Variants in A4GALT observed in about 807,000 individuals in gnomAD.
The protein encoded by A4GALT is alpha 1,4-galactosyltransferase (P1PK blood group).
For missense variants in A4GALT, 512 were observed against 486.0 expected (o/e 1.05, Z -0.50); for synonymous variants, 257 against 220.7 (o/e 1.16, Z -1.46).
At chr22:42,711,234 A>G (rs1038640025) in intron 1 of A4GALT, among the ~76,000 whole-genome samples, 2 of 152,220 alleles carry the variant, frequency 1.3e-5, no homozygotes, top group Admixed American at 1.3e-4. Context: ...AGTAATAGAA[A>G]TGCAAATGGA....
At chr22:42,704,561 A>G (rs893154505) in intron 1 of A4GALT, among the ~76,000 whole-genome samples, 2 of 151,884 alleles carry the variant, frequency 1.3e-5, no homozygotes, top group Non-Finnish European at 2.9e-5. Context: ...GAAGGGCAGA[A>G]GGGCTCTTTT....
rs746782088 is a variant in A4GALT, at chr22:42,692,830, C to A, written c.*60G>T. ...TCCCGGGCCCTCAATCTTGCCTCCC[C>A]GGGAAGGGCGGCCCAGTGCCCCATC... On this transcript the variant is annotated 3_prime_UTR_variant, in exon 3 of 3. Coordinates refer to ENST00000642412, the MANE Select transcript of A4GALT (RefSeq NM_017436.7). This position sits in a 1 kb window ranked among gnomAD's most constrained non-coding sequence, Gnocchi z 4.6. The A allele has an allele frequency of 6.3e-7, 1 of 1,588,648 alleles. No individual in the cohort carries two copies. Among genetic ancestry groups the A allele is most frequent in the Middle Eastern group, 1.7e-4 (1 of 6,030 alleles).
chr22:42,696,847 C>T (rs972965439), intron 1 of A4GALT, among the ~76,000 whole-genome samples: 24 of 151,460 alleles, frequency 1.6e-4, no homozygotes, highest in South Asian at 2.1e-4. Context: ...AGGCCTCAAA[C>T]GGCTGCTAGG....
chr22:42,693,541 C>T lies in A4GALT; in HGVS notation c.411G>A (p.Pro137=), dbSNP rs748193828. 2.5e-6 allele frequency: 4 copies of T among 1,613,268 alleles called. No homozygotes were observed. Among genetic ancestry groups the T allele is most frequent in the East Asian group, 2.2e-5 (1 of 44,868 alleles). The change falls in exon 3 of 3, where the codon CCG becomes CCA. Residue 137 remains proline, a synonymous_variant. Coordinates refer to ENST00000642412, the MANE Select transcript of A4GALT (RefSeq NM_017436.7). ...HLGISLLSCF[P]NVQMLPLDLR... ...GGTCCAGCGGGAGCATCTGGACATT[C>T]GGGAAGCAGCTCAGAAGTGAGATGC...
chr22:42,713,727 G>C (rs1921892319), intron 1 of A4GALT, among the ~76,000 whole-genome samples: 1 of 150,416 alleles, frequency 6.6e-6, no homozygotes, highest in African/African-American at 2.5e-5. Context: ...CAGGAGAATT[G>C]CTTGGACCCA....
Position 42,693,381 on chromosome 22 carries a change from G to A in A4GALT, c.571C>T (p.Leu191=). 1 of 1,613,336 alleles carries A rather than the reference G, an allele frequency of 6.2e-7. No homozygotes were observed. The highest frequency in any genetic ancestry group is 8.5e-7 in the Non-Finnish European group (1 of 1,179,996). Residue 191 remains leucine (L), a synonymous_variant, in exon 3 of 3, where the codon CTG becomes TTG. Transcript: ENST00000642412. The part of the protein sequence containing the change: ...ALMWKFGGIY[L]DTDFIVLKNL... Reference sequence around the variant, plus strand: ...TTGAGAACAATGAAGTCCGTGTCCAGGTAGATGCCGCCGAACTTCCACATG... The same window carrying A: ...TTGAGAACAATGAAGTCCGTGTCCAAGTAGATGCCGCCGAACTTCCACATG...
intron 1 of A4GALT, among the ~76,000 whole-genome samples, chr22:42,699,028 A>G (rs1931125603): frequency 6.6e-6 from 1 of 152,140 alleles, no homozygotes; most frequent in South Asian, 2.1e-4. Flanking sequence ...AAATAACCAT[A>G]AAAATGGGTA....
At chr22:42,702,920 C>A (rs1920932780) in intron 1 of A4GALT, among the ~76,000 whole-genome samples, 1 of 118,850 alleles carries the variant, frequency 8.4e-6, no homozygotes, top group Admixed American at 7.2e-5. Flanking sequence ...CAATCCCGGT[C>A]CCTGCTCCCC....
At chr22:42,695,821 GAC>G (rs1404637183) in intron 1 of A4GALT, among the ~76,000 whole-genome samples, 190 bp from the exon 2 acceptor site, 3 of 152,264 alleles carry the variant, frequency 2.0e-5, no homozygotes, top group East Asian at 3.9e-4. Flanking sequence ...GGGAGAATCA[GAC>G]ACAGCCTTTC....
At position 42,692,350 on chromosome 22, in the gene A4GALT, T is replaced by C; in HGVS notation, c.*540A>G. On this transcript the variant is annotated 3_prime_UTR_variant, in exon 3 of 3. Coordinates refer to ENST00000642412, the MANE Select transcript of A4GALT (RefSeq NM_017436.7). This position sits in a 1 kb window ranked among gnomAD's most constrained non-coding sequence, Gnocchi z 4.6. ...AAACGGCTCCCCAGGCTGGCACTTC[T>C]GGGCCTCTGCCCCACTCAGTCCCTG... 3.6e-6 allele frequency: 1 copy of C among 279,742 alleles called. No homozygotes were observed. 17.3% of individuals were successfully genotyped at this position (279,742 alleles called of 1,614,324 possible).
At chr22:42,699,447 C>A (rs571426628) in intron 1 of A4GALT, among the ~76,000 whole-genome samples, 134 of 152,300 alleles carry the variant, frequency 8.8e-4, no homozygotes, top group African/African-American at 3.1e-3. Context: ...AATTTTCTTG[C>A]CCCCTGGTGT....
chr22:42,697,890 C>T (rs998596999), intron 1 of A4GALT, among the ~76,000 whole-genome samples: 8 of 152,308 alleles, frequency 5.3e-5, no homozygotes, highest in Middle Eastern at 3.4e-3. Flanking sequence ...GCTCTAAGCC[C>T]TTCCATGGCT....
chr22:42,702,971 C>G (rs1602002628), intron 1 of A4GALT, among the ~76,000 whole-genome samples: 1 of 151,400 alleles, frequency 6.6e-6, no homozygotes, highest in African/African-American at 2.5e-5. Context: ...CAGTGGCACT[C>G]AGGCCGGGGT....
At chr22:42,716,576 C>CG (rs1305942934) in intron 1 of A4GALT, among the ~76,000 whole-genome samples, 2 of 152,138 alleles carry the variant, frequency 1.3e-5, no homozygotes, top group African/African-American at 4.8e-5. Flanking sequence ...AGCGGCAGAG[C>CG]GGGGTTCAAA....
chr22:42,707,182 A>T (rs1033819487), intron 1 of A4GALT, among the ~76,000 whole-genome samples: 1 of 152,208 alleles, frequency 6.6e-6, no homozygotes, highest in African/African-American at 2.4e-5. Flanking sequence ...TTTCTTTTCA[A>T]GAGCTGAGCT....
chr22:42,704,228 A>G (rs1488959851), intron 1 of A4GALT, among the ~76,000 whole-genome samples: 1 of 152,172 alleles, frequency 6.6e-6, no homozygotes, highest in African/African-American at 2.4e-5. Context: ...CATGCTTGTA[A>G]TCCCAGCACT....
chr22:42,717,383 G>C (rs1443694600), intron 1 of A4GALT, among the ~76,000 whole-genome samples: 1 of 152,090 alleles, frequency 6.6e-6, no homozygotes, highest in Non-Finnish European at 1.5e-5. Flanking sequence ...GTTCACACCT[G>C]CTCCCTCCCA....
intron 2 of A4GALT, among the ~76,000 whole-genome samples, chr22:42,694,209 T>G (rs573107873): frequency 2.6e-5 from 4 of 152,088 alleles, no homozygotes; most frequent in Admixed American, 2.6e-4. Flanking sequence ...CTGAGCAGGG[T>G]CCCTTCCACT....
intron 1 of A4GALT, among the ~76,000 whole-genome samples, chr22:42,716,608 GGTCT>G (rs1454975685): frequency 1.3e-5 from 2 of 152,088 alleles, no homozygotes; most frequent in Non-Finnish European, 2.9e-5. Context: ...GGGGGAAAGG[GGTCT>G]GTCTACCTGT....
Sources: allele counts gnomAD v4.1 joint callset (sites outside exome capture counted in the v4.1 genomes callset), GRCh38; gene constraint gnomAD v4.1.1; non-coding constraint Gnocchi (gnomAD v3.1); transcripts MANE v1.5; gene names NCBI Gene and HGNC (gene_info 2026-07-23, HGNC 2026-07-21).